RLN2: variants seen among roughly 807,000 people sequenced by gnomAD.
RLN2 encodes relaxin 2.
Under a neutral mutation model 7.3 loss-of-function variants are expected in RLN2, and 10 were observed. The observed-to-expected ratio is 1.36, with a 90% confidence interval of 0.84 to 2.31. The LOEUF is 2.31. RLN2 is among the 30% of genes most tolerant of loss of function. The pLI is 0.00. For synonymous variants in RLN2, 103 were observed against 82.3 expected (o/e 1.25, Z -1.36); for missense variants, 298 against 217.6 (o/e 1.37, Z -2.32).
At chr9:5,332,968 T>G in the RLN2 span, among the ~76,000 whole-genome samples, 1 of 151,988 alleles carries the variant, frequency 6.6e-6, no homozygotes, top group Non-Finnish European at 1.5e-5. Flanking sequence ...TACATCACAG[T>G]AAGGATAAAG....
chr9:5,308,443 C>A (rs920536991), upstream of RLN2, among the ~76,000 whole-genome samples: 3 of 151,864 alleles, frequency 2.0e-5, no homozygotes, highest in African/African-American at 7.3e-5. Flanking sequence ...AAAACAAAAA[C>A]AAAACAATAA....
At chr9:5,327,338 G>T in the RLN2 span, among the ~76,000 whole-genome samples, 1 of 152,028 alleles carries the variant, frequency 6.6e-6, no homozygotes, top group Non-Finnish European at 1.5e-5. Context: ...AGCTTGATGG[G>T]GGGAGGGGCA....
intron 1 of RLN2, among the ~76,000 whole-genome samples, chr9:5,301,167 T>C (rs1160655570): frequency 6.6e-6 from 1 of 152,218 alleles, no homozygotes; most frequent in Non-Finnish European, 1.5e-5. Flanking sequence ...GACTAATGTT[T>C]TCTGTTTGAT....
the RLN2 span, among the ~76,000 whole-genome samples, chr9:5,312,931 G>A: frequency 7.9e-5 from 12 of 151,972 alleles, no homozygotes; most frequent in African/African-American, 2.7e-4. Context: ...TGACATTGTG[G>A]TATCAAAAAA....
the RLN2 span, among the ~76,000 whole-genome samples, chr9:5,318,706 GA>G: frequency 9.6e-3 from 1,457 of 151,940 alleles, 15 homozygotes; most frequent in South Asian, 0.019. Flanking sequence ...TTTGGATTCA[GA>G]AATTCTGTTA....
the RLN2 span, chr9:5,335,378 T>C: frequency 7.1e-5 from 114 of 1,613,538 alleles, 1 homozygote; most frequent in Admixed American, 6.3e-4. Context: ...TTCTGAAGGA[T>C]TGCTGTCTGC....
chr9:5,305,359 CCACACACACACACACACACACACA>C (rs34733616), upstream of RLN2, among the ~76,000 whole-genome samples: 2 of 121,828 alleles, frequency 1.6e-5, no homozygotes, highest in African/African-American at 3.1e-5. Context: ...GGAGAACATA[CCACACACACACACACACACACACA>C]CACACACACA....
chr9:5,300,834 CA>C (rs1816108110), intron 1 of RLN2, among the ~76,000 whole-genome samples: 1 of 152,128 alleles, frequency 6.6e-6, no homozygotes, highest in Non-Finnish European at 1.5e-5. Context: ...CATTTTCTTC[CA>C]TTGCTATGAT....
At chr9:5,323,561 G>A in the RLN2 span, among the ~76,000 whole-genome samples, 311 of 151,868 alleles carry the variant, frequency 2.0e-3, 15 homozygotes, top group East Asian at 0.052. Context: ...GCAACTGACT[G>A]TTCTTGAATA....
At chr9:5,310,098 T>A in the RLN2 span, among the ~76,000 whole-genome samples, 2 of 151,880 alleles carry the variant, frequency 1.3e-5, no homozygotes, top group Admixed American at 6.6e-5. Context: ...GAGAGCAGGG[T>A]GCAGGAAGCA....
the RLN2 span, among the ~76,000 whole-genome samples, chr9:5,310,430 T>G: frequency 6.6e-6 from 1 of 152,008 alleles, no homozygotes; most frequent in Non-Finnish European, 1.5e-5. Flanking sequence ...GGACTTAGGA[T>G]CTATACTTAT....
At chr9:5,301,850 G>A (rs1387169308) in intron 1 of RLN2, among the ~76,000 whole-genome samples, 1 of 151,946 alleles carries the variant, frequency 6.6e-6, no homozygotes, top group East Asian at 1.9e-4. Flanking sequence ...AAAACAAACT[G>A]TAGTATTTCA....
At chr9:5,315,252 G>C in the RLN2 span, among the ~76,000 whole-genome samples, 1 of 151,772 alleles carries the variant, frequency 6.6e-6, no homozygotes, top group Non-Finnish European at 1.5e-5. Context: ...ATCTTAATGA[G>C]AAATTCAATA....
the RLN2 span, among the ~76,000 whole-genome samples, chr9:5,326,872 T>A: frequency 7.6e-4 from 115 of 151,810 alleles, 1 homozygote; most frequent in Non-Finnish European, 1.4e-3. Context: ...CAAGAAAAAA[T>A]TGATAACAGA....
the RLN2 span, among the ~76,000 whole-genome samples, chr9:5,315,731 C>T: frequency 1.3e-5 from 2 of 151,934 alleles, no homozygotes; most frequent in African/African-American, 4.8e-5. Context: ...GAGAGGATTC[C>T]CATTAGACTA....
chr9:5,331,140 T>C, the RLN2 span, among the ~76,000 whole-genome samples: 1 of 152,006 alleles, frequency 6.6e-6, no homozygotes, highest in Admixed American at 6.6e-5. Context: ...CAGGACCAGA[T>C]GGATTCACAG....
At chr9:5,339,322 G>GGAC in the RLN2 span, 1 of 446,506 alleles carries the variant, frequency 2.2e-6, no homozygotes, top group Non-Finnish European at 3.8e-6. Context: ...CTTTCCCTCC[G>GGAC]TCCGGTGAGA....
chr9:5,337,260 T>G, the RLN2 span, among the ~76,000 whole-genome samples: 1 of 152,076 alleles, frequency 6.6e-6, no homozygotes, highest in Non-Finnish European at 1.5e-5. Context: ...TTCTGTATAC[T>G]TAAAGCCAGT....
Position 5,299,943 on chromosome 9 carries a change from A to T in RLN2, c.*155T>A. 1 of 469,038 alleles carries T rather than the reference A, an allele frequency of 2.1e-6. No individual in the cohort carries two copies. Among genetic ancestry groups the T allele is most frequent in the East Asian group, 3.2e-5 (1 of 31,000 alleles). The allele number at this position is 469,038 out of a possible 1,614,324, so 29.1% of individuals were successfully genotyped here. A position where few individuals can be genotyped will look rare whatever the true frequency, so the allele number is the denominator to read the frequency against. On this transcript the variant is annotated 3_prime_UTR_variant, in exon 2 of 2. Transcript: ENST00000381627. ...CAAATAAAAAAATCTAAACATCAACAAAGATGTTTAGATATTCTAAGAATT... is the reference window on the plus strand; with the variant it reads ...CAAATAAAAAAATCTAAACATCAACTAAGATGTTTAGATATTCTAAGAATT...
Sources: gnomAD v4.1 joint callset for allele counts (sites outside exome capture counted in the v4.1 genomes callset) on GRCh38, gnomAD v4.1.1 for gene constraint, MANE v1.5 for transcripts, NCBI Gene and HGNC (gene_info 2026-07-23, HGNC 2026-07-21) for gene names.